Variants in CNTNAP2 observed in about 807,000 individuals in gnomAD.
CNTNAP2 encodes the protein contactin associated protein 2, also known as contactin-associated protein-like 2.
Under a neutral mutation model 155.2 loss-of-function variants are expected in CNTNAP2, and 98 were observed. The observed-to-expected ratio is 0.63, with a 90% CI of 0.54 to 0.75. CNTNAP2 has a LOEUF of 0.75. Among genes scored for constraint, CNTNAP2 ranks in the 30% least tolerant of loss-of-function variants. The pLI is 0.00. For synonymous variants in CNTNAP2, 651 were observed against 631.2 expected (o/e 1.03, Z -0.47); for missense variants, 1,727 against 1,688.1 (o/e 1.02, Z -0.40).
chr7:146,500,936 C>T (rs1040497429), intron 1 of CNTNAP2, among the ~76,000 whole-genome samples: 1 of 151,904 alleles, frequency 6.6e-6, no homozygotes, highest in Non-Finnish European at 1.5e-5. Flanking sequence ...TGAAAGGGTG[C>T]CAGATTTTGC....
At chr7:148,022,193 A>C (rs1442716242) in intron 15 of CNTNAP2, among the ~76,000 whole-genome samples, 3 of 152,104 alleles carry the variant, frequency 2.0e-5, no homozygotes, top group African/African-American at 7.2e-5. Context: ...TTTAAAAAAA[A>C]AAATGTGGCT....
At chr7:146,157,825 A>G (rs528549358) in intron 1 of CNTNAP2, among the ~76,000 whole-genome samples, 6 of 152,348 alleles carry the variant, frequency 3.9e-5, no homozygotes, top group African/African-American at 1.2e-4. Context: ...ATAGTTGAAC[A>G]AAAGGCAGCA....
At chr7:148,299,211 C>CA (rs1797337528) in intron 21 of CNTNAP2, among the ~76,000 whole-genome samples, 1 of 152,090 alleles carries the variant, frequency 6.6e-6, no homozygotes, top group African/African-American at 2.4e-5. Flanking sequence ...AGAATGGTCT[C>CA]AATCTCCCGA....
chr7:147,270,298 T>A (rs1312918741), intron 8 of CNTNAP2, among the ~76,000 whole-genome samples: 3 of 147,822 alleles, frequency 2.0e-5, no homozygotes, highest in Non-Finnish European at 4.4e-5. Context: ...ATACTCAGTA[T>A]GTATTTGTAT....
intron 15 of CNTNAP2, among the ~76,000 whole-genome samples, chr7:148,036,185 G>T (rs1426326283): frequency 1.3e-5 from 2 of 152,192 alleles, no homozygotes; most frequent in South Asian, 2.1e-4. Context: ...TGGACTTTGA[G>T]TTGGGGCTGG....
chr7:146,815,772 T>A (rs912264493), intron 2 of CNTNAP2, among the ~76,000 whole-genome samples: 21 of 151,958 alleles, frequency 1.4e-4, no homozygotes, highest in African/African-American at 3.9e-4. Context: ...ACTTTTTTTT[T>A]ATTATACTTT....
At chr7:148,349,373 C>T (rs1798379075) in intron 21 of CNTNAP2, among the ~76,000 whole-genome samples, 2 of 148,922 alleles carry the variant, frequency 1.3e-5, no homozygotes, top group African/African-American at 2.5e-5. Context: ...CTAACGGTAG[C>T]TAATGAGCTT....
intron 13 of CNTNAP2, among the ~76,000 whole-genome samples, chr7:147,827,232 G>C (rs553148670): frequency 1.3e-5 from 2 of 152,026 alleles, no homozygotes; most frequent in African/African-American, 4.8e-5. Context: ...AATATCCTAG[G>C]CCAAAAGTTT....
At chr7:146,151,656 A>ATATG (rs1798044727) in intron 1 of CNTNAP2, among the ~76,000 whole-genome samples, 1 of 49,558 alleles carries the variant, frequency 2.0e-5, no homozygotes, top group East Asian at 8.1e-4. Flanking sequence ...ATATATATAT[A>ATATG]TATATATATA....
At chr7:148,288,968 AAG>A (rs1554412593) in intron 21 of CNTNAP2, among the ~76,000 whole-genome samples, 3 of 133,300 alleles carry the variant, frequency 2.3e-5, no homozygotes, top group Non-Finnish European at 4.8e-5. Flanking sequence ...AAAAAAAAAA[AAG>A]AGAGAAAAAC....
At chr7:146,734,559 A>G (rs1233601099) in intron 1 of CNTNAP2, among the ~76,000 whole-genome samples, 1 of 152,190 alleles carries the variant, frequency 6.6e-6, no homozygotes, top group Non-Finnish European at 1.5e-5. Flanking sequence ...AATTTAGACA[A>G]CAGAGATTCT....
At chr7:146,752,859 C>T (rs894958025) in intron 1 of CNTNAP2, among the ~76,000 whole-genome samples, 1 of 152,186 alleles carries the variant, frequency 6.6e-6, no homozygotes, top group African/African-American at 2.4e-5. Flanking sequence ...ATTCTAGCAC[C>T]AAATTCCCAA....
intron 8 of CNTNAP2, among the ~76,000 whole-genome samples, chr7:147,296,086 T>G (rs1805436752): frequency 6.6e-6 from 1 of 152,208 alleles, no homozygotes; most frequent in Non-Finnish European, 1.5e-5. Context: ...TTCTTGTTCT[T>G]CCACTTAGAG....
intron 13 of CNTNAP2, among the ~76,000 whole-genome samples, chr7:147,713,413 T>A (rs1796432245): frequency 1.3e-5 from 2 of 152,178 alleles, no homozygotes; most frequent in Admixed American, 1.3e-4. Context: ...TATATAGGCC[T>A]GTGTGTCTAG....
At chr7:148,106,137 A>G (rs552504967) in intron 15 of CNTNAP2, among the ~76,000 whole-genome samples, 1 of 152,316 alleles carries the variant, frequency 6.6e-6, no homozygotes, top group East Asian at 1.9e-4. Context: ...TGAATGGCAG[A>G]GTGGGAAAAG....
intron 21 of CNTNAP2, among the ~76,000 whole-genome samples, chr7:148,305,001 G>A (rs1472816631): frequency 6.6e-6 from 1 of 150,904 alleles, no homozygotes; most frequent in Non-Finnish European, 1.5e-5. Context: ...GATTGCTTGA[G>A]GCCAGGAGTT....
intron 3 of CNTNAP2, among the ~76,000 whole-genome samples, chr7:146,886,537 G>C (rs1273449181): frequency 6.6e-6 from 1 of 151,598 alleles, no homozygotes; most frequent in Non-Finnish European, 1.5e-5. Context: ...TATTGGGACT[G>C]CCTGGACTGT....
intron 1 of CNTNAP2, among the ~76,000 whole-genome samples, chr7:146,771,140 T>G (rs989093958): frequency 6.6e-6 from 1 of 152,182 alleles, no homozygotes; most frequent in Non-Finnish European, 1.5e-5. Flanking sequence ...TGCCCACTGT[T>G]TCATATTTAA....
At chr7:146,625,712 CA>C (rs1799407744) in intron 1 of CNTNAP2, among the ~76,000 whole-genome samples, 1 of 151,944 alleles carries the variant, frequency 6.6e-6, no homozygotes, top group Non-Finnish European at 1.5e-5. Context: ...AACATGCCAA[CA>C]AAAGGTTGGT....
Sources: allele counts gnomAD v4.1 joint callset (sites outside exome capture counted in the v4.1 genomes callset), GRCh38; gene constraint gnomAD v4.1.1; transcripts MANE v1.5; gene names NCBI Gene and HGNC (gene_info 2026-07-23, HGNC 2026-07-21).